The following AKAP6 variants were observed in gnomAD, a reference collection of about 807,000 sequenced individuals.
AKAP6 encodes the protein A-kinase anchor protein 6.
Under a neutral mutation model 188.5 loss-of-function variants are expected in AKAP6, and 58 were observed. That is an observed-to-expected ratio of 0.31 (90% CI 0.25 to 0.38). The LOEUF is 0.38. Ranked by LOEUF, AKAP6 falls within the 10% of genes least tolerant of loss-of-function variation. The pLI is 1.00. For missense variants in AKAP6, 2,710 were observed against 2,740.0 expected, an observed-to-expected ratio of 0.99 and a Z score of 0.24; for synonymous variants, 989 against 998.6, an observed-to-expected ratio of 0.99 and a Z score of 0.18.
At chr14:32,584,316 G>C (rs949377071) in intron 5 of AKAP6, among the ~76,000 whole-genome samples, 1 of 152,210 alleles carries the variant, frequency 6.6e-6, no homozygotes, top group South Asian at 2.1e-4. Flanking sequence ...ATGCTGGGCA[G>C]AGGGATGATT....
chr14:32,811,003 G>A (rs964124440), intron 12 of AKAP6, among the ~76,000 whole-genome samples: 1 of 152,008 alleles, frequency 6.6e-6, no homozygotes, highest in Non-Finnish European at 1.5e-5. Flanking sequence ...ACTTTGGGAG[G>A]CTGAGGTGGG....
chr14:32,434,361 A>T (rs967113513), intron 2 of AKAP6, among the ~76,000 whole-genome samples: 4 of 151,638 alleles, frequency 2.6e-5, no homozygotes, highest in Admixed American at 2.6e-4. Flanking sequence ...TCAGACATTT[A>T]AAAAAAAAGT....
chr14:32,704,629 G>A (rs1039738094), intron 9 of AKAP6, among the ~76,000 whole-genome samples: 2 of 152,012 alleles, frequency 1.3e-5, no homozygotes, highest in African/African-American at 4.8e-5. Context: ...AAAATTATAT[G>A]ATGTATGATT....
At chr14:32,376,590 A>T (rs1258390191) in intron 1 of AKAP6, among the ~76,000 whole-genome samples, 1 of 152,272 alleles carries the variant, frequency 6.6e-6, no homozygotes, top group African/African-American at 2.4e-5. Flanking sequence ...AAATAAAACT[A>T]AGTTCTCTAT....
intron 1 of AKAP6, among the ~76,000 whole-genome samples, chr14:32,424,910 G>T (rs1173141318): frequency 6.6e-6 from 1 of 152,068 alleles, no homozygotes; most frequent in Non-Finnish European, 1.5e-5. Flanking sequence ...TCATTGATGG[G>T]CATTTAGGTT....
chr14:32,789,783 T>C (rs2033552340), intron 12 of AKAP6, among the ~76,000 whole-genome samples: 1 of 152,128 alleles, frequency 6.6e-6, no homozygotes, highest in Non-Finnish European at 1.5e-5. Context: ...GATGCAAGAA[T>C]ACTGAAAACT....
At position 32,518,626 on chromosome 14, in the gene AKAP6, G is replaced by A. The variant is rs145720172; in HGVS notation, c.325-16928G>A. On this transcript the variant is annotated intron_variant, in intron 2 of 13. Transcript: ENST00000280979. ...GAAGATCAAATGTATGAAATGAAGC[G>A]AGAAGAGAAGTTTAGAAGAAAAAGA... Among the ~76,000 whole-genome samples, 1,319 of 152,184 alleles carry A rather than the reference G, an allele frequency of 8.7e-3. 10 individuals carry two copies. Among genetic ancestry groups the A allele is most frequent in the African/African-American group, 0.019 (786 of 41,510 alleles).
intron 3 of AKAP6, among the ~76,000 whole-genome samples, chr14:32,536,334 G>C (rs1340441661): frequency 6.6e-6 from 1 of 152,196 alleles, no homozygotes; most frequent in Admixed American, 6.5e-5. Flanking sequence ...ATAGACTGGT[G>C]AACAGAGGCA....
intron 7 of AKAP6, among the ~76,000 whole-genome samples, chr14:32,604,982 C>G (rs1028079447): frequency 6.6e-6 from 1 of 152,126 alleles, no homozygotes; most frequent in Admixed American, 6.5e-5. Flanking sequence ...GCACCTGTCC[C>G]CTCACTGACA....
chr14:32,610,604 C>T (rs558699351), intron 7 of AKAP6, among the ~76,000 whole-genome samples: 7 of 152,160 alleles, frequency 4.6e-5, no homozygotes, highest in South Asian at 4.2e-4. Context: ...GGAGAGGGAA[C>T]GTTATTTCAA....
In AKAP6 at chr14:32,831,006, A is replaced by G. The variant is rs911933219; in HGVS notation, c.*1201A>G. ...CACTATAAAGATCTTGGAACAGCAAATGATTAAATGTCAGTTCCCCTAAAC... is the reference window on the plus strand; with the variant it reads ...CACTATAAAGATCTTGGAACAGCAAGTGATTAAATGTCAGTTCCCCTAAAC... On this transcript the variant is annotated 3_prime_UTR_variant, in exon 14 of 14. Transcript: ENST00000280979. 1.3e-5 allele frequency: 2 copies of G among 152,188 alleles called. No individual in the cohort carries two copies. The highest frequency in any genetic ancestry group is 4.8e-5 in the African/African-American group (2 of 41,456). 9.4% of individuals were successfully genotyped at this position (152,188 alleles called of 1,614,324 possible). A position where few individuals can be genotyped will look rare whatever the true frequency, so the allele number is the denominator to read the frequency against.
At chr14:32,462,599 C>A (rs1389684866) in intron 2 of AKAP6, among the ~76,000 whole-genome samples, 1 of 152,134 alleles carries the variant, frequency 6.6e-6, no homozygotes, top group African/African-American at 2.4e-5. Context: ...AAAGGAAAAA[C>A]CAGTACCAGC....
At chr14:32,717,669 T>C (rs1201423912) in intron 9 of AKAP6, among the ~76,000 whole-genome samples, 1 of 151,758 alleles carries the variant, frequency 6.6e-6, no homozygotes, top group African/African-American at 2.4e-5. Flanking sequence ...AGAAACTTCT[T>C]TGAATATTTA....
At chr14:32,567,270 C>A (rs1324462322) in intron 4 of AKAP6, among the ~76,000 whole-genome samples, 2 of 152,154 alleles carry the variant, frequency 1.3e-5, no homozygotes, top group Non-Finnish European at 1.5e-5. Context: ...ATGGAGGGAG[C>A]TTTGAACTAG....
At chr14:32,530,709 T>G (rs1882373653) in intron 2 of AKAP6, among the ~76,000 whole-genome samples, 1 of 151,952 alleles carries the variant, frequency 6.6e-6, no homozygotes, top group African/African-American at 2.4e-5. Flanking sequence ...ACAAGAAGGG[T>G]GCCTCATTTC....
At chr14:32,686,274 T>C in intron 8 of AKAP6, among the ~76,000 whole-genome samples, 1 of 152,190 alleles carries the variant, frequency 6.6e-6, no homozygotes, top group East Asian at 1.9e-4. Context: ...AGAAGGACAG[T>C]TACTAGAGAC....
intron 2 of AKAP6, among the ~76,000 whole-genome samples, chr14:32,506,046 G>A (rs1018691250): frequency 6.6e-6 from 1 of 152,148 alleles, no homozygotes; most frequent in East Asian, 1.9e-4. Context: ...GGGAGGCTGA[G>A]GCAGGAGAAT....
chr14:32,660,368 C>T (rs761341324), intron 7 of AKAP6, among the ~76,000 whole-genome samples: 1 of 152,062 alleles, frequency 6.6e-6, no homozygotes, highest in Non-Finnish European at 1.5e-5. Flanking sequence ...AGAGCATTAG[C>T]AAAAAGAAAT....
Position 32,478,982 on chromosome 14 carries a change from T to C in AKAP6, c.324+45165T>C, listed in dbSNP as rs1879206390. ...GAAAATATTTTGGGGGGAGAGGAGA[T>C]GAGAATTTGACATGTTAAAGGACTC... On this transcript the variant is annotated intron_variant, in intron 2 of 13. Coordinates refer to ENST00000280979, the MANE Select transcript of AKAP6 (RefSeq NM_004274.5). Among the ~76,000 whole-genome samples the C allele has an allele frequency of 2.0e-5, 3 of 152,138 alleles. No individual in the cohort carries two copies. In the South Asian group the frequency reaches 6.2e-4, roughly 32 times the overall value.
Sources: gnomAD v4.1 joint callset for allele counts (sites outside exome capture counted in the v4.1 genomes callset) on GRCh38, gnomAD v4.1.1 for gene constraint, MANE v1.5 for transcripts, NCBI Gene and HGNC (gene_info 2026-07-23, HGNC 2026-07-21) for gene names.